The following IL23R variants were observed in gnomAD, a reference collection of about 807,000 sequenced individuals.
IL23R encodes the protein interleukin-23 receptor.
Under a neutral mutation model 56.9 loss-of-function variants are expected in IL23R, and 34 were observed. The ratio of observed to expected loss-of-function variants is 0.60; its 90% CI spans 0.45 to 0.80. The LOEUF is 0.80. Ranked by LOEUF, IL23R falls within the 30% of genes least tolerant of loss-of-function variation. IL23R has a pLI of 0.00. For missense variants in IL23R, 635 were observed against 730.0 expected, an observed-to-expected ratio of 0.87 and a Z score of 1.50; for synonymous variants, 230 against 249.2, an observed-to-expected ratio of 0.92 and a Z score of 0.73.
intron 1 of IL23R, among the ~76,000 whole-genome samples, chr1:67,156,474 G>C (rs1646770834): frequency 6.6e-6 from 1 of 152,294 alleles, no homozygotes; most frequent in Non-Finnish European, 1.5e-5. Context: ...ACAAGCCCCT[G>C]ACTGGAGCTG....
chr1:67,214,547 A>G (rs993903742), intron 6 of IL23R, among the ~76,000 whole-genome samples: 1 of 152,244 alleles, frequency 6.6e-6, no homozygotes, highest in African/African-American at 2.4e-5. Flanking sequence ...CCTGTTACCA[A>G]GATGGCCTAT....
At chr1:67,147,969 G>A (rs1646694699) in intron 1 of IL23R, among the ~76,000 whole-genome samples, 1 of 152,170 alleles carries the variant, frequency 6.6e-6, no homozygotes, top group Non-Finnish European at 1.5e-5. Context: ...TTGGCCTCAT[G>A]GATTCTAAGG....
chr1:67,182,880 T>C lies in IL23R; in HGVS notation c.412T>C (p.Tyr138His). The C allele has an allele frequency of 6.2e-7, 1 of 1,614,088 alleles. No homozygotes were observed. Among genetic ancestry groups the C allele is most frequent in the Non-Finnish European group, 8.5e-7 (1 of 1,179,962 alleles). Residue 138 changes from tyrosine (Y) to histidine (H), a missense_variant, in exon 4 of 11, where the codon TAT becomes CAT. Transcript: ENST00000347310. ...TGAAGTAACCTGTGTCATTTATGAA[T>C]ATTCAGGCAACATGACTTGCACCTG... ...PDEVTCVIYE[Y>H]SGNMTCTWNA...
At chr1:67,236,082 G>A (rs12030948) in intron 7 of IL23R, among the ~76,000 whole-genome samples, 1 of 151,966 alleles carries the variant, frequency 6.6e-6, no homozygotes, top group Admixed American at 6.6e-5. Flanking sequence ...TAGGTACCAG[G>A]GTTGCTCACC....
At chr1:67,237,120 G>A (rs1339730271) in intron 8 of IL23R, among the ~76,000 whole-genome samples, 2 of 152,130 alleles carry the variant, frequency 1.3e-5, no homozygotes, top group African/African-American at 4.8e-5. Context: ...TCGGCTCACT[G>A]CAACCTCCGC....
intron 3 of IL23R, among the ~76,000 whole-genome samples, chr1:67,177,815 C>A (rs1647031697): frequency 6.6e-6 from 1 of 151,020 alleles, no homozygotes; most frequent in African/African-American, 2.5e-5. Context: ...AGGAAGGGAT[C>A]CAGTTTCAGC....
At chr1:67,185,484 C>T (rs1367423988) in intron 4 of IL23R, among the ~76,000 whole-genome samples, 3 of 152,054 alleles carry the variant, frequency 2.0e-5, no homozygotes, top group Non-Finnish European at 4.4e-5. Context: ...CTCTGTCGCC[C>T]AGGCTGGAGT....
chr1:67,263,515 T>C (rs1303472462), downstream of IL23R, among the ~76,000 whole-genome samples: 1 of 152,194 alleles, frequency 6.6e-6, no homozygotes, highest in Non-Finnish European at 1.5e-5. Flanking sequence ...GGCTAATTCT[T>C]ATATTTAGTC....
intron 6 of IL23R, among the ~76,000 whole-genome samples, chr1:67,218,354 G>GTATATATATATATATA (rs776016660): frequency 7.8e-6 from 1 of 128,518 alleles, no homozygotes; most frequent in South Asian, 2.5e-4. Context: ...GTGTGTGTGT[G>GTATATATATATATATA]TGTGTATATA....
At position 67,228,546 on chromosome 1, in the gene IL23R, A is replaced by G. The variant is rs111670231; in HGVS notation, c.956-8167A>G. 3.3e-5 allele frequency among the ~76,000 whole-genome samples: 5 copies of G among 151,956 alleles called. 1 individual carries two copies. The highest frequency in any genetic ancestry group is 1.2e-4 in the African/African-American group (5 of 41,464). On this transcript the variant is annotated intron_variant, in intron 7 of 10. Transcript: ENST00000347310. ...TCATCATCTTCTATATTAGTTTCCT[A>G]TTACTACTGTCACAAATCATCACAA...
chr1:67,171,349 G>A (rs555594240), intron 3 of IL23R, among the ~76,000 whole-genome samples: 3 of 152,060 alleles, frequency 2.0e-5, no homozygotes, highest in African/African-American at 2.4e-5. Context: ...TTCATGAATC[G>A]GCAGCATCTC....
chr1:67,149,828 A>T (rs1646712704), intron 1 of IL23R, among the ~76,000 whole-genome samples: 1 of 152,170 alleles, frequency 6.6e-6, no homozygotes, highest in South Asian at 2.1e-4. Context: ...AGTTGAATTT[A>T]TTATCCTTTA....
At chr1:67,225,654 C>T (rs1228143230) in intron 7 of IL23R, among the ~76,000 whole-genome samples, 1 of 152,114 alleles carries the variant, frequency 6.6e-6, no homozygotes, top group Non-Finnish European at 1.5e-5. Context: ...GGACTACAGA[C>T]ATCCACCACA....
intron 6 of IL23R, among the ~76,000 whole-genome samples, chr1:67,213,014 C>T (rs1023467644): frequency 1.3e-5 from 2 of 152,134 alleles, no homozygotes; most frequent in East Asian, 1.9e-4. Flanking sequence ...GCTGGGATTA[C>T]AGGCATCGGG....
At chr1:67,147,465 G>A (rs559771575) in intron 1 of IL23R, among the ~76,000 whole-genome samples, 170 of 152,288 alleles carry the variant, frequency 1.1e-3, no homozygotes, top group African/African-American at 3.7e-3. Context: ...TTGGGAGGCC[G>A]AGGCAGGTGT....
chr1:67,199,458 C>T (rs1648441675), intron 4 of IL23R, among the ~76,000 whole-genome samples: 1 of 152,140 alleles, frequency 6.6e-6, no homozygotes, highest in South Asian at 2.1e-4. Context: ...TGCTCTTTTC[C>T]AAAGGCAGCT....
rs543798048 is a variant in IL23R, at chr1:67,213,161, A to G, written c.798+6106A>G. Among the ~76,000 whole-genome samples the G allele has an allele frequency of 3.3e-5, 5 of 152,268 alleles. No homozygotes were observed. The East Asian group carries it at 9.7e-4, about 29-fold the overall frequency. On this transcript the variant is annotated intron_variant, in intron 6 of 10. Transcript: ENST00000347310. ...AGGTGCGAGCCACTGCGCCCGGCCTAGTCATGCAATCTTGAGCATGTTTCT... is the reference window on the plus strand; with the variant it reads ...AGGTGCGAGCCACTGCGCCCGGCCTGGTCATGCAATCTTGAGCATGTTTCT...
chr1:67,145,807 C>T (rs1646674467), intron 1 of IL23R, among the ~76,000 whole-genome samples: 1 of 152,190 alleles, frequency 6.6e-6, no homozygotes, highest in Non-Finnish European at 1.5e-5. Context: ...CCATGCCTCC[C>T]AGTATCACAT....
Position 67,193,611 on chromosome 1 carries a change from T to C in IL23R, c.492-7126T>C, listed in dbSNP as rs540946178. 3.3e-5 allele frequency among the ~76,000 whole-genome samples: 5 copies of C among 152,304 alleles called. No homozygotes were observed. The East Asian group carries it at 9.6e-4, about 29-fold the overall frequency. On this transcript the variant is annotated intron_variant, in intron 4 of 10. Transcript: ENST00000347310. ...CTCCCTTCACAAATCATCTGTCATG[T>C]ATTAGCCCATGAAAAAAAGAAATAG...
Sources: allele counts gnomAD v4.1 joint callset (sites outside exome capture counted in the v4.1 genomes callset), GRCh38; gene constraint gnomAD v4.1.1; transcripts MANE v1.5; gene names NCBI Gene and HGNC (gene_info 2026-07-23, HGNC 2026-07-21).